SLC1A7: variants seen among roughly 807,000 people sequenced by gnomAD.
SLC1A7 encodes the protein excitatory amino acid transporter 5.
Under a neutral mutation model 47.7 loss-of-function variants are expected in SLC1A7, and 40 were observed. The observed-to-expected ratio is 0.84, with a 90% CI of 0.65 to 1.09. The LOEUF is 1.09. Among genes scored for constraint, SLC1A7 ranks in the 50% least tolerant of loss-of-function variants. The pLI is 0.00. For synonymous variants in SLC1A7, 323 were observed against 325.6 expected, an observed-to-expected ratio of 0.99 and a Z score of 0.09; for missense variants, 746 against 769.5, an observed-to-expected ratio of 0.97 and a Z score of 0.36.
rs1644856074 is a variant in SLC1A7 at position 53,124,252 on chromosome 1, ACACACACAC to A, written c.216-9288_216-9280del. ...GGAAGGAAAACAATACATACACAAC[ACACACACAC>A]ACACACACACACACACACACACACA... On this transcript the variant is annotated intron_variant, in intron 2 of 10. Transcript: ENST00000371494. 1.7e-3 allele frequency among the ~76,000 whole-genome samples: 6 copies of A among 3,556 alleles called. No individual in the cohort carries two copies. In the Non-Finnish European group the frequency reaches 0.048, roughly 29 times the overall value. 2.3% of individuals were successfully genotyped at this position (3,556 alleles called of 152,430 possible).
chr1:53,094,027 G>A (rs553364473), intron 5 of SLC1A7, among the ~76,000 whole-genome samples: 23 of 152,210 alleles, frequency 1.5e-4, no homozygotes, highest in Non-Finnish European at 2.9e-4. Context: ...CGTTTACACA[G>A]TGCCCCAGGC....
At chr1:53,097,766 C>A (rs1203756547) in intron 5 of SLC1A7, among the ~76,000 whole-genome samples, 2 of 130,516 alleles carry the variant, frequency 1.5e-5, no homozygotes, top group Non-Finnish European at 3.2e-5. Context: ...TACACTCACA[C>A]ACAGCACCTC....
chr1:53,137,767 A>G (rs1350759188), intron 1 of SLC1A7, among the ~76,000 whole-genome samples: 2 of 152,200 alleles, frequency 1.3e-5, no homozygotes, highest in Non-Finnish European at 2.9e-5. Context: ...TCTCAAGCAC[A>G]TCAGTTCTCT....
intron 2 of SLC1A7, among the ~76,000 whole-genome samples, chr1:53,121,443 G>A (rs1644824965): frequency 1.3e-5 from 2 of 152,268 alleles, no homozygotes; most frequent in Admixed American, 6.5e-5. Flanking sequence ...GGGGCTTGGT[G>A]AAGGGACAAG....
At chr1:53,096,192 G>A (rs968975158) in intron 5 of SLC1A7, among the ~76,000 whole-genome samples, 4 of 130,656 alleles carry the variant, frequency 3.1e-5, no homozygotes, top group African/African-American at 1.2e-4. Context: ...CATGCCCCAC[G>A]TTGTTACTTT....
intron 3 of SLC1A7, chr1:53,108,490 C>A (rs576948743): frequency 1.4e-6 from 1 of 695,346 alleles, no homozygotes; most frequent in South Asian, 1.6e-5. Context: ...ATGGGACCTG[C>A]CATCAAGCTC....
intron 2 of SLC1A7, among the ~76,000 whole-genome samples, chr1:53,131,283 G>A (rs1644939902): frequency 6.6e-6 from 1 of 152,206 alleles, no homozygotes; most frequent in South Asian, 2.1e-4. Flanking sequence ...CGCTTGTGGT[G>A]GAGGCAGGTC....
intron 2 of SLC1A7, among the ~76,000 whole-genome samples, chr1:53,129,387 C>G (rs1300470156): frequency 6.6e-6 from 1 of 152,052 alleles, no homozygotes; most frequent in Non-Finnish European, 1.5e-5. Context: ...ACTCCAAAGC[C>G]CTGTTCCTGC....
intron 5 of SLC1A7, 119 bp from the exon 6 acceptor site, chr1:53,093,679 C>T (rs957825139): frequency 1.5e-6 from 1 of 684,990 alleles, no homozygotes; most frequent in Admixed American, 2.4e-5. Flanking sequence ...CCACTCCCCC[C>T]ACTCTCTCTC....
chr1:53,123,322 C>A (rs1557685399), intron 2 of SLC1A7, among the ~76,000 whole-genome samples: 2 of 152,208 alleles, frequency 1.3e-5, no homozygotes, highest in Non-Finnish European at 2.9e-5. Flanking sequence ...TGGAGTCTGC[C>A]CCGCACAGGG....
intron 2 of SLC1A7, among the ~76,000 whole-genome samples, chr1:53,116,687 A>G (rs992523812): frequency 1.7e-4 from 25 of 150,968 alleles, no homozygotes; most frequent in Admixed American, 1.5e-3. Context: ...CCATGACAGA[A>G]CCCCCCGCAG....
chr1:53,123,938 G>A (rs1644852693), intron 2 of SLC1A7, among the ~76,000 whole-genome samples: 1 of 152,222 alleles, frequency 6.6e-6, no homozygotes, highest in Admixed American at 6.5e-5. Flanking sequence ...GGCAGCATCC[G>A]AAGCACAGGC....
At chr1:53,119,879 G>A (rs943009560) in intron 2 of SLC1A7, among the ~76,000 whole-genome samples, 14 of 152,152 alleles carry the variant, frequency 9.2e-5, no homozygotes, top group African/African-American at 3.4e-4. Flanking sequence ...CTGGCTCTGT[G>A]ATTTATGGTG....
chr1:53,097,445 TCACA>T lies in SLC1A7; in HGVS notation c.698-3889_698-3886del, dbSNP rs566235317. Among the ~76,000 whole-genome samples the T allele has an allele frequency of 2.4e-3, 318 of 131,778 alleles. 1 individual carries two copies. The highest frequency in any genetic ancestry group is 8.4e-3 in the African/African-American group (285 of 34,118). The allele number at this position is 131,778 out of a possible 152,430, so 86.5% of individuals were successfully genotyped here. Reference sequence around the variant, plus strand: ...AATCACACACACCACCTCGGTACACTCACACACAGTGCCTTGGCACACTCAGAAC... The same window carrying T: ...AATCACACACACCACCTCGGTACACTCACAGTGCCTTGGCACACTCAGAAC... On this transcript the variant is annotated intron_variant, in intron 5 of 10. Transcript: ENST00000371494.
chr1:53,113,785 C>A (rs1271233117), intron 3 of SLC1A7, among the ~76,000 whole-genome samples: 1 of 152,124 alleles, frequency 6.6e-6, no homozygotes, highest in Non-Finnish European at 1.5e-5. Context: ...TGAGGCCGGT[C>A]CCCACCTGAA....
chr1:53,093,834 T>G (rs369851743), intron 5 of SLC1A7, among the ~76,000 whole-genome samples: 1 of 152,170 alleles, frequency 6.6e-6, no homozygotes, highest in Non-Finnish European at 1.5e-5. Context: ...GCTGTGCGCT[T>G]AGGCCATGAC....
chr1:53,108,380 C>T (rs1379811738), intron 3 of SLC1A7: 9 of 586,156 alleles, frequency 1.5e-5, no homozygotes, highest in Middle Eastern at 4.6e-4. Context: ...CAATTACAAT[C>T]ATTTTAAATG....
At chr1:53,096,555 TC>T (rs1644493775) in intron 5 of SLC1A7, among the ~76,000 whole-genome samples, 1 of 149,346 alleles carries the variant, frequency 6.7e-6, no homozygotes, top group African/African-American at 2.5e-5. Context: ...ACCCCATGCC[TC>T]AGTACACTCA....
At chr1:53,095,848 C>G (rs1644481792) in intron 5 of SLC1A7, among the ~76,000 whole-genome samples, 1 of 148,712 alleles carries the variant, frequency 6.7e-6, no homozygotes, top group Non-Finnish European at 1.5e-5. Flanking sequence ...CACTCACACA[C>G]ACCACCTCAG....
Sources: gnomAD v4.1 joint callset for allele counts (sites outside exome capture counted in the v4.1 genomes callset) on GRCh38, gnomAD v4.1.1 for gene constraint, MANE v1.5 for transcripts, NCBI Gene and HGNC (gene_info 2026-07-23, HGNC 2026-07-21) for gene names.